Variants in CXCL13 observed in about 807,000 individuals in gnomAD.
The protein encoded by CXCL13 is C-X-C motif chemokine 13.
Under a neutral mutation model 12.2 loss-of-function variants are expected in CXCL13, and 7 were observed. The observed-to-expected ratio is 0.57, with a 90% CI of 0.33 to 1.07. The LOEUF (loss-of-function observed/expected upper bound fraction) is 1.07. Among genes scored for constraint, CXCL13 ranks in the 50% least tolerant of loss-of-function variants. The probability of loss-of-function intolerance (pLI) is 0.04; values close to 1 mark genes in which losing one functional copy is unlikely to be tolerated. For missense variants in CXCL13, 113 were observed against 127.4 expected (o/e 0.89, Z 0.55); for synonymous variants, 47 against 42.4 (o/e 1.11, Z -0.42).
rs148272864 is a variant in CXCL13 at position 77,552,934 on chromosome 4, C to T, written c.-43+41146C>T. Among the ~76,000 whole-genome samples, 359 of 152,238 alleles carry T rather than the reference C, an allele frequency of 2.4e-3. 3 individuals carry two copies. Among genetic ancestry groups the T allele is most frequent in the African/African-American group, 8.3e-3 (344 of 41,540 alleles). On this transcript the variant is annotated intron_variant, in intron 1 of 4. Transcript: ENST00000286758. Reference sequence around the variant, plus strand: ...CTGAATACCTAGGGATCTGCATGGGCGTGGAGCAGAGAAGGCCCCGCTGCA... The same window carrying T: ...CTGAATACCTAGGGATCTGCATGGGTGTGGAGCAGAGAAGGCCCCGCTGCA...
At chr4:77,598,295 G>A (rs1356415938) in intron 1 of CXCL13, among the ~76,000 whole-genome samples, 1 of 152,216 alleles carries the variant, frequency 6.6e-6, no homozygotes, top group African/African-American at 2.4e-5. Flanking sequence ...TCTGCAGAGA[G>A]ATTCAGCCAC....
chr4:77,521,041 C>G (rs1428425250), intron 1 of CXCL13, among the ~76,000 whole-genome samples: 1 of 152,158 alleles, frequency 6.6e-6, no homozygotes, highest in African/African-American at 2.4e-5. Context: ...GTATGTTGAA[C>G]CAGCCTTGCA....
At chr4:77,530,871 T>G (rs1724896777) in intron 1 of CXCL13, among the ~76,000 whole-genome samples, 1 of 152,026 alleles carries the variant, frequency 6.6e-6, no homozygotes, top group South Asian at 2.1e-4. Flanking sequence ...GATGTTAGGG[T>G]GTCAATTTTG....
chr4:77,543,272 CTAG>C (rs1389264793), intron 1 of CXCL13, among the ~76,000 whole-genome samples: 1 of 151,642 alleles, frequency 6.6e-6, no homozygotes, highest in Non-Finnish European at 1.5e-5. Flanking sequence ...TTAATGTAGT[CTAG>C]TGTCTATCAA....
chr4:77,545,081 G>A (rs982170099), intron 1 of CXCL13, among the ~76,000 whole-genome samples: 1 of 151,992 alleles, frequency 6.6e-6, no homozygotes, highest in African/African-American at 2.4e-5. Context: ...ACTTCTGAGG[G>A]CTCTCTTCTG....
intron 1 of CXCL13, among the ~76,000 whole-genome samples, chr4:77,526,802 G>A (rs762052572): frequency 3.9e-5 from 6 of 152,084 alleles, no homozygotes; most frequent in Non-Finnish European, 8.8e-5. Flanking sequence ...GGAGGCCAGG[G>A]AGCCTTTCGT....
At chr4:77,569,329 C>T (rs1228096931) in intron 1 of CXCL13, among the ~76,000 whole-genome samples, 3 of 152,192 alleles carry the variant, frequency 2.0e-5, no homozygotes, top group Non-Finnish European at 4.4e-5. Flanking sequence ...CAAACTATCC[C>T]TGTTTGCAGA....
chr4:77,550,452 T>C (rs1725485983), intron 1 of CXCL13, among the ~76,000 whole-genome samples: 1 of 150,314 alleles, frequency 6.7e-6, no homozygotes, highest in Non-Finnish European at 1.5e-5. Flanking sequence ...AGACGGGAGC[T>C]GTAGACTGGA....
intron 1 of CXCL13, among the ~76,000 whole-genome samples, chr4:77,552,899 A>AG (rs1560524084): frequency 1.3e-5 from 2 of 152,212 alleles, no homozygotes; most frequent in South Asian, 2.1e-4. Flanking sequence ...GATCCAGGCC[A>AG]GGGGGTACTC....
intron 1 of CXCL13, among the ~76,000 whole-genome samples, chr4:77,518,159 G>A (rs1724477137): frequency 6.6e-6 from 1 of 152,180 alleles, no homozygotes; most frequent in South Asian, 2.1e-4. Flanking sequence ...TCTGCTGAGA[G>A]ATCCGCTGTT....
intron 1 of CXCL13, among the ~76,000 whole-genome samples, chr4:77,559,931 A>AAG (rs2109811969): frequency 6.6e-6 from 1 of 151,474 alleles, no homozygotes; most frequent in African/African-American, 2.4e-5. Context: ...CAAAAAAAAA[A>AAG]AAAAAAAAAC....
intron 1 of CXCL13, among the ~76,000 whole-genome samples, 194 bp downstream of exon 1, chr4:77,606,123 AT>A (rs1726998452): frequency 6.6e-6 from 1 of 152,192 alleles, no homozygotes; most frequent in Non-Finnish European, 1.5e-5. Flanking sequence ...TATTGTTAAG[AT>A]TTTTATTTAT....
rs540175361 is a variant in CXCL13, at chr4:77,552,954, G to A, written c.-43+41166G>A. Among the ~76,000 whole-genome samples, 71 of 152,290 alleles carry A rather than the reference G, an allele frequency of 4.7e-4. No homozygotes were observed. The South Asian group carries it at 7.0e-3, about 15-fold the overall frequency. On this transcript the variant is annotated intron_variant, in intron 1 of 4. Transcript: ENST00000286758. ...ATGGGCGTGGAGCAGAGAAGGCCCC[G>A]CTGCACCACCATCTATGCCCATGAA... is the stretch of plus-strand genomic sequence containing the variant.
intron 1 of CXCL13, among the ~76,000 whole-genome samples, chr4:77,537,236 G>A (rs893610454): frequency 6.6e-6 from 1 of 152,154 alleles, no homozygotes; most frequent in Admixed American, 6.5e-5. Context: ...TAGACCTGAA[G>A]GTACAAGAGT....
Position 77,605,888 on chromosome 4 carries a change from T to C in CXCL13, c.23T>C (p.Leu8Pro), listed in dbSNP as rs201339877. Residue 8 changes from leucine (L) to proline (P), a missense_variant, in exon 1 of 4, where the codon CTG (leucine) becomes CCG (proline). Physicochemically the swap from Leu to Pro is moderately conservative, Grantham distance 98. Coordinates refer to ENST00000682537, the MANE Select transcript of CXCL13 (RefSeq NM_001371558.1). MKFISTS[L>P]LLMLLVSSLS... ...AGAATGAAGTTCATCTCGACATCTC[T>C]GCTTCTCATGCTGCTGGTCAGCAGC... 103 of 1,607,252 alleles carry C rather than the reference T, an allele frequency of 6.4e-5. No individual in the cohort carries two copies. The highest frequency in any genetic ancestry group is 5.1e-6 in the Non-Finnish European group (6 of 1,175,890).
chr4:77,518,340 C>T (rs181002854), intron 1 of CXCL13, among the ~76,000 whole-genome samples: 219 of 152,254 alleles, frequency 1.4e-3, no homozygotes, highest in Middle Eastern at 6.8e-3. Flanking sequence ...GAATGTTGGC[C>T]TGCCTTGCTA....
intron 1 of CXCL13, among the ~76,000 whole-genome samples, chr4:77,533,850 C>T (rs942591054): frequency 2.0e-5 from 3 of 152,216 alleles, no homozygotes; most frequent in Non-Finnish European, 4.4e-5. Flanking sequence ...GGGATATAAT[C>T]TCCTGGTGTG....
At chr4:77,557,741 G>A (rs1032598661) in intron 1 of CXCL13, among the ~76,000 whole-genome samples, 1 of 152,192 alleles carries the variant, frequency 6.6e-6, no homozygotes, top group Non-Finnish European at 1.5e-5. Context: ...CTGGCCTGCT[G>A]AGGAGTGCTG....
intron 1 of CXCL13, among the ~76,000 whole-genome samples, chr4:77,544,686 T>C (rs1250107816): frequency 2.0e-5 from 3 of 152,180 alleles, no homozygotes; most frequent in Non-Finnish European, 4.4e-5. Flanking sequence ...TTTTCTCCCA[T>C]TCTGTAGGTT....
Sources: gnomAD v4.1 joint callset for allele counts (sites outside exome capture counted in the v4.1 genomes callset) on GRCh38, gnomAD v4.1.1 for gene constraint, MANE v1.5 for transcripts, NCBI Gene and HGNC (gene_info 2026-07-23, HGNC 2026-07-21) for gene names.